RSPO2: variants seen among roughly 807,000 people sequenced by gnomAD.
RSPO2 encodes R-spondin 2, also known as R-spondin-2.
Under a neutral mutation model 30.9 loss-of-function variants are expected in RSPO2, and 14 were observed. The observed-to-expected ratio is 0.45, with a 90% CI of 0.30 to 0.71. RSPO2 has a LOEUF of 0.71. Ranked by LOEUF, RSPO2 falls within the 30% of genes least tolerant of loss-of-function variation. RSPO2 has a pLI of 0.08. For synonymous variants in RSPO2, 107 were observed against 96.4 expected, an observed-to-expected ratio of 1.11 and a Z score of -0.64; for missense variants, 264 against 301.9, an observed-to-expected ratio of 0.87 and a Z score of 0.93.
rs1813248578 is a variant in RSPO2, at chr8:108,082,711, C to A, written c.-73G>T. 2 of 1,324,534 alleles carry A rather than the reference C, an allele frequency of 1.5e-6. No homozygotes were observed. Among genetic ancestry groups the A allele is most frequent in the Non-Finnish European group, 1.1e-6 (1 of 930,878 alleles). 82.0% of individuals were successfully genotyped at this position (1,324,534 alleles called of 1,614,324 possible). On this transcript the variant is annotated 5_prime_UTR_variant, in exon 2 of 6. Transcript: ENST00000276659. Reference sequence around the variant, plus strand: ...GAGGGTTCGCCCAAAGAGCCGGCGCCGGCCGCGCTGCTGGGGAGGACTCAG... The same window carrying A: ...GAGGGTTCGCCCAAAGAGCCGGCGCAGGCCGCGCTGCTGGGGAGGACTCAG...
chr8:108,044,646 T>A (rs1190079419), intron 2 of RSPO2, among the ~76,000 whole-genome samples: 1 of 152,220 alleles, frequency 6.6e-6, no homozygotes, highest in Non-Finnish European at 1.5e-5. Context: ...ATGTCTTTGC[T>A]ATTGTGAGCA....
intron 5 of RSPO2, among the ~76,000 whole-genome samples, chr8:107,942,625 CT>C (rs897883112): frequency 6.6e-6 from 1 of 152,072 alleles, no homozygotes; most frequent in African/African-American, 2.4e-5. Context: ...ATGTTTGCCC[CT>C]CTTAGGAAAA....
chr8:108,065,659 T>TAA (rs57299718), intron 2 of RSPO2, among the ~76,000 whole-genome samples: 31 of 117,090 alleles, frequency 2.6e-4, no homozygotes, highest in Non-Finnish European at 3.5e-4. Context: ...GCAGAAGGAA[T>TAA]AAAAAAAAAA....
intron 2 of RSPO2, among the ~76,000 whole-genome samples, chr8:108,059,993 AAAGTAT>A (rs1812397862): frequency 3.3e-5 from 5 of 151,552 alleles, no homozygotes. Flanking sequence ...CCTAAAACTT[AAAGTAT>A]AATACTAATA....
chr8:107,906,194 T>C (rs1811633337), intron 5 of RSPO2, among the ~76,000 whole-genome samples: 1 of 151,902 alleles, frequency 6.6e-6, no homozygotes, highest in African/African-American at 2.4e-5. Context: ...CCTCAGAACA[T>C]AATCTAAACT....
intron 2 of RSPO2, among the ~76,000 whole-genome samples, chr8:108,041,866 C>CA (rs1408549130): frequency 6.6e-6 from 1 of 151,926 alleles, no homozygotes; most frequent in Non-Finnish European, 1.5e-5. Context: ...CACAACAGGT[C>CA]AAAGGGGAAG....
Position 108,076,759 on chromosome 8 carries a change from G to GA in RSPO2, c.94+5785dup, listed in dbSNP as rs911503407. 1.5e-4 allele frequency among the ~76,000 whole-genome samples: 23 copies of GA among 150,076 alleles called. 1 individual carries two copies. In the South Asian group the frequency reaches 2.9e-3, roughly 19 times the overall value. The stretch of plus-strand genomic sequence containing the variant: ...AGTGTAGGATAATCTGAAGCTGAAA[G>GA]AAAAAAAAAGAAGAAAAGAAAAATT... On this transcript the variant is annotated intron_variant, in intron 2 of 5. Transcript: ENST00000276659.
At chr8:108,009,886 C>T (rs544440028) in intron 2 of RSPO2, among the ~76,000 whole-genome samples, 1 of 151,762 alleles carries the variant, frequency 6.6e-6, no homozygotes, top group African/African-American at 2.4e-5. Flanking sequence ...TCCATCTCTA[C>T]AAAAATACCA....
intron 3 of RSPO2, among the ~76,000 whole-genome samples, chr8:107,972,944 G>T (rs771167379): frequency 1.3e-5 from 2 of 152,138 alleles, no homozygotes; most frequent in Non-Finnish European, 2.9e-5. Flanking sequence ...TTTTTAATGG[G>T]ATTTGAAACA....
intron 5 of RSPO2, among the ~76,000 whole-genome samples, chr8:107,930,079 T>A (rs1209376211): frequency 6.6e-6 from 1 of 152,118 alleles, no homozygotes; most frequent in African/African-American, 2.4e-5. Context: ...ATTATCAACA[T>A]CATTGCTAAT....
At chr8:108,056,402 T>G (rs1022894491) in intron 2 of RSPO2, among the ~76,000 whole-genome samples, 1 of 151,820 alleles carries the variant, frequency 6.6e-6, no homozygotes, top group African/African-American at 2.4e-5. Context: ...GCAGATCGCT[T>G]GAGCTCAGGA....
At chr8:108,017,264 G>A (rs1810921038) in intron 2 of RSPO2, among the ~76,000 whole-genome samples, 1 of 152,098 alleles carries the variant, frequency 6.6e-6, no homozygotes, top group Non-Finnish European at 1.5e-5. Flanking sequence ...TGATCTGCCT[G>A]CCTCGGCCTC....
chr8:107,999,017 G>A (rs1815130292), intron 2 of RSPO2, among the ~76,000 whole-genome samples: 1 of 152,096 alleles, frequency 6.6e-6, no homozygotes, highest in South Asian at 2.1e-4. Context: ...CTGTACTCCA[G>A]TCAGTAAGAC....
chr8:107,931,745 A>T (rs1485260349), intron 5 of RSPO2, among the ~76,000 whole-genome samples: 1 of 152,166 alleles, frequency 6.6e-6, no homozygotes, highest in Non-Finnish European at 1.5e-5. Context: ...AGAAACTTCC[A>T]TATAGCCAGA....
intron 2 of RSPO2, among the ~76,000 whole-genome samples, chr8:108,051,328 C>T (rs1411960814): frequency 1.3e-5 from 2 of 152,072 alleles, no homozygotes; most frequent in Non-Finnish European, 1.5e-5. Flanking sequence ...GAAGGGGTAG[C>T]AACCAAGACT....
chr8:108,058,215 C>CAG (rs1165430199), intron 2 of RSPO2, among the ~76,000 whole-genome samples: 27 of 151,996 alleles, frequency 1.8e-4, no homozygotes, highest in African/African-American at 9.7e-5. Context: ...AACAGACAAA[C>CAG]AGAGCCAAAT....
intron 2 of RSPO2, among the ~76,000 whole-genome samples, chr8:108,061,388 G>A (rs1313538368): frequency 2.0e-5 from 3 of 151,758 alleles, no homozygotes; most frequent in Non-Finnish European, 4.4e-5. Context: ...TGCAATCCTA[G>A]TCTCTGATAA....
chr8:108,062,947 T>C (rs939450522), intron 2 of RSPO2, among the ~76,000 whole-genome samples: 2 of 151,846 alleles, frequency 1.3e-5, no homozygotes, highest in African/African-American at 4.9e-5. Flanking sequence ...ATTATCTCAA[T>C]AGATGCAGAA....
intron 5 of RSPO2, among the ~76,000 whole-genome samples, chr8:107,923,297 T>C (rs1390531177): frequency 1.3e-5 from 2 of 152,076 alleles, no homozygotes; most frequent in African/African-American, 4.8e-5. Flanking sequence ...ATGACACACA[T>C]GTGGCCAAGA....
Sources: gnomAD v4.1 joint callset for allele counts (sites outside exome capture counted in the v4.1 genomes callset) on GRCh38, gnomAD v4.1.1 for gene constraint, MANE v1.5 for transcripts, NCBI Gene and HGNC (gene_info 2026-07-23, HGNC 2026-07-21) for gene names.